The following KCTD8 variants were observed in gnomAD, a reference collection of about 807,000 sequenced individuals.
KCTD8 encodes BTB/POZ domain-containing protein KCTD8.
In KCTD8, 27 loss-of-function variants were observed where a neutral mutation model predicts 31.5. That is an observed-to-expected ratio of 0.86 (90% CI 0.63 to 1.18). KCTD8 has a LOEUF of 1.18. Ranked by LOEUF, KCTD8 falls within the 50% of genes most tolerant of loss-of-function variation. KCTD8 has a pLI of 0.00. For synonymous variants in KCTD8, 290 were observed against 280.0 expected (o/e 1.04, Z -0.36); for missense variants, 658 against 647.7 (o/e 1.02, Z -0.17).
intron 1 of KCTD8, among the ~76,000 whole-genome samples, chr4:44,299,472 T>A (rs1441820268): frequency 1.3e-5 from 2 of 152,190 alleles, no homozygotes; most frequent in Non-Finnish European, 2.9e-5. Context: ...GGCTCACGCC[T>A]GTAATCCCAG....
chr4:44,237,469 G>A (rs941392671), intron 1 of KCTD8, among the ~76,000 whole-genome samples: 2 of 152,166 alleles, frequency 1.3e-5, no homozygotes, highest in African/African-American at 4.8e-5. Context: ...CTGTAGTTCT[G>A]AGTGAGTAAA....
At chr4:44,197,630 C>T (rs1335003577) in intron 1 of KCTD8, among the ~76,000 whole-genome samples, 1 of 152,150 alleles carries the variant, frequency 6.6e-6, no homozygotes, top group African/African-American at 2.4e-5. Flanking sequence ...TGTACAGAGC[C>T]TTGGCCTTCT....
intron 1 of KCTD8, among the ~76,000 whole-genome samples, chr4:44,435,578 T>A (rs2109480664): frequency 6.6e-6 from 1 of 152,172 alleles, no homozygotes; most frequent in East Asian, 1.9e-4. Context: ...AAATTACCAG[T>A]CTCATTTCTA....
At position 44,448,162 on chromosome 4, in the gene KCTD8, G is replaced by A. The variant is rs138052184; in HGVS notation, c.362C>T (p.Pro121Leu). ...CCGCTCCTTCTCGGGGAAGTGCTCC[G>A]GCAGCGCGAGTTGCTTGTCCCGCAG... ...DYLRDKQLAL[P>L]EHFPEKERLL... is the part of the protein sequence containing the mutation. The change falls in exon 1 of 2, where the codon CCG (proline) becomes CTG (leucine). Residue 121 changes from proline (P) to leucine (L), a missense_variant. Transcript: ENST00000360029. The surrounding 1 kb of genome is among the most constrained non-coding windows in gnomAD (Gnocchi z 4.1). 4 of 1,612,358 alleles carry A rather than the reference G, an allele frequency of 2.5e-6. No individual in the cohort carries two copies. Among genetic ancestry groups the A allele is most frequent in the Non-Finnish European group, 3.4e-6 (4 of 1,179,746 alleles).
At chr4:44,352,800 A>C (rs1184500310) in intron 1 of KCTD8, among the ~76,000 whole-genome samples, 1 of 151,812 alleles carries the variant, frequency 6.6e-6, no homozygotes, top group East Asian at 1.9e-4. Context: ...TTTATGTAAC[A>C]CCTCTCTATC....
chr4:44,180,943 A>G (rs1713364375), intron 1 of KCTD8, among the ~76,000 whole-genome samples: 1 of 152,126 alleles, frequency 6.6e-6, no homozygotes, highest in South Asian at 2.1e-4. Context: ...AATTACTACT[A>G]TGGTATTTCA....
At chr4:44,246,193 T>G (rs962612283) in intron 1 of KCTD8, among the ~76,000 whole-genome samples, 9 of 151,954 alleles carry the variant, frequency 5.9e-5, no homozygotes, top group Non-Finnish European at 1.3e-4. Context: ...AACCCCAACT[T>G]TTGCAAGAAG....
At position 44,412,545 on chromosome 4, in the gene KCTD8, G is replaced by C. The variant is rs182752454; in HGVS notation, c.961+35018C>G. On this transcript the variant is annotated intron_variant, in intron 1 of 1. Transcript: ENST00000360029. ...TACTATGCAATACCTTTATGGCTTG[G>C]AAGAGTATGTACAAATTCTGAATGC... Among the ~76,000 whole-genome samples the C allele has an allele frequency of 9.3e-4, 141 of 152,244 alleles. 1 individual carries two copies. The highest frequency in any genetic ancestry group is 3.3e-3 in the African/African-American group (138 of 41,572).
At chr4:44,308,776 A>T (rs1221136475) in intron 1 of KCTD8, among the ~76,000 whole-genome samples, 1 of 152,124 alleles carries the variant, frequency 6.6e-6, no homozygotes, top group Non-Finnish European at 1.5e-5. Context: ...AAAAATTCAG[A>T]CTAACAAAAA....
chr4:44,283,774 C>T (rs1024868878), intron 1 of KCTD8, among the ~76,000 whole-genome samples: 4 of 152,124 alleles, frequency 2.6e-5, no homozygotes, highest in Non-Finnish European at 4.4e-5. Flanking sequence ...GCAAATTCAG[C>T]AAAGTCTCAG....
chr4:44,234,997 A>T (rs1047205574), intron 1 of KCTD8, among the ~76,000 whole-genome samples: 1 of 152,180 alleles, frequency 6.6e-6, no homozygotes, highest in African/African-American at 2.4e-5. Context: ...AAGAATCATT[A>T]GGCAGAAGGT....
intron 1 of KCTD8, among the ~76,000 whole-genome samples, chr4:44,406,782 TC>T (rs1259632913): frequency 5.3e-5 from 8 of 152,144 alleles, no homozygotes; most frequent in Non-Finnish European, 1.5e-5. Flanking sequence ...AACTTATAAT[TC>T]CCAATGAAAA....
At chr4:44,200,071 C>T (rs1714091291) in intron 1 of KCTD8, among the ~76,000 whole-genome samples, 1 of 151,706 alleles carries the variant, frequency 6.6e-6, no homozygotes, top group Admixed American at 6.6e-5. Context: ...TAGACAAATT[C>T]CTGGAAATAT....
intron 1 of KCTD8, among the ~76,000 whole-genome samples, chr4:44,199,582 G>C (rs1367546240): frequency 6.6e-6 from 1 of 152,010 alleles, no homozygotes; most frequent in East Asian, 1.9e-4. Context: ...ATTAGGCATA[G>C]ATCAAAACAT....
chr4:44,400,292 TA>T (rs1560445575), intron 1 of KCTD8, among the ~76,000 whole-genome samples: 1 of 152,106 alleles, frequency 6.6e-6, no homozygotes, highest in African/African-American at 2.4e-5. Flanking sequence ...TTTCTAAGTA[TA>T]AAATTTCATC....
intron 1 of KCTD8, among the ~76,000 whole-genome samples, chr4:44,311,056 GCAAA>G (rs34910275): frequency 0.23 from 35,067 of 151,296 alleles, 4,725 homozygotes; most frequent in Non-Finnish European, 0.31. Context: ...TCCTCTTAAG[GCAAA>G]CAGTTTTCTA....
intron 1 of KCTD8, among the ~76,000 whole-genome samples, chr4:44,336,075 G>A (rs1207431517): frequency 1.4e-5 from 2 of 143,336 alleles, no homozygotes; most frequent in Non-Finnish European, 3.0e-5. Flanking sequence ...GCGTGAACCC[G>A]GGAGGCGGAG....
chr4:44,282,500 CA>C (rs1560414803), intron 1 of KCTD8, among the ~76,000 whole-genome samples: 1 of 151,994 alleles, frequency 6.6e-6, no homozygotes, highest in Non-Finnish European at 1.5e-5. Context: ...TCTAAGTGTA[CA>C]AGTGAAAGGA....
chr4:44,288,868 A>T (rs1401615747), intron 1 of KCTD8, among the ~76,000 whole-genome samples: 1 of 152,042 alleles, frequency 6.6e-6, no homozygotes, highest in Non-Finnish European at 1.5e-5. Context: ...AAAGGCAGGT[A>T]ACAATCCTTG....
Sources: gnomAD v4.1 joint callset for allele counts (sites outside exome capture counted in the v4.1 genomes callset) on GRCh38, gnomAD v4.1.1 for gene constraint, Gnocchi (gnomAD v3.1) non-coding constraint, MANE v1.5 for transcripts, NCBI Gene and HGNC (gene_info 2026-07-23, HGNC 2026-07-21) for gene names.